ADGRL3: variants seen among roughly 807,000 people sequenced by gnomAD.
ADGRL3 encodes the protein calcium-independent alpha-latrotoxin receptor 3.
Under a neutral mutation model 153.5 loss-of-function variants are expected in ADGRL3, and 62 were observed. The ratio of observed to expected loss-of-function variants is 0.40; its 90% CI spans 0.33 to 0.50. The LOEUF is 0.50. ADGRL3 is among the 20% of genes least tolerant of loss of function. The pLI, the probability that ADGRL3 is intolerant of heterozygous loss-of-function variation, is 0.47. For synonymous variants in ADGRL3, 710 were observed against 672.5 expected (o/e 1.06, Z -0.86); for missense variants, 1,641 against 1,859.4 (o/e 0.88, Z 2.16).
chr4:61,468,901 G>T (rs980271853), intron 2 of ADGRL3, among the ~76,000 whole-genome samples: 1 of 152,030 alleles, frequency 6.6e-6, no homozygotes, highest in East Asian at 1.9e-4. Context: ...GAAAATGAAA[G>T]ATAAAATTAA....
chr4:61,892,182 C>CTTT (rs5858738), intron 9 of ADGRL3, among the ~76,000 whole-genome samples: 2,079 of 143,676 alleles, frequency 0.014, 21 homozygotes, highest in Non-Finnish European at 0.021. Context: ...TTTCTGTTTC[C>CTTT]TTTTTTTTTT....
chr4:61,822,562 A>G (rs1377253134), intron 9 of ADGRL3, among the ~76,000 whole-genome samples: 1 of 152,246 alleles, frequency 6.6e-6, no homozygotes, highest in Non-Finnish European at 1.5e-5. Context: ...ATTGTCAGGA[A>G]TAAGTATGAG....
intron 12 of ADGRL3, among the ~76,000 whole-genome samples, chr4:61,911,849 AT>A (rs2098723419): frequency 2.0e-5 from 3 of 152,046 alleles, no homozygotes; most frequent in African/African-American, 7.2e-5. Context: ...AAAAAAAAAA[AT>A]TGGAAAGAAG....
chr4:61,353,604 T>TTC (rs1300557484), intron 1 of ADGRL3, among the ~76,000 whole-genome samples: 1 of 146,882 alleles, frequency 6.8e-6, no homozygotes, highest in East Asian at 2.1e-4. Context: ...CTTTCAATTT[T>TTC]TTTTTTTTTT....
At chr4:61,272,120 A>T (rs2093217808) in intron 1 of ADGRL3, among the ~76,000 whole-genome samples, 1 of 145,580 alleles carries the variant, frequency 6.9e-6, no homozygotes, top group Non-Finnish European at 1.5e-5. Context: ...GATTTCTCTA[A>T]GTTGTAGTTT....
At chr4:61,746,822 T>C (rs986272615) in intron 8 of ADGRL3, among the ~76,000 whole-genome samples, 1 of 151,684 alleles carries the variant, frequency 6.6e-6, no homozygotes, top group African/African-American at 2.4e-5. Flanking sequence ...GCAAACACAT[T>C]CAAAAGCTAG....
intron 23 of ADGRL3, among the ~76,000 whole-genome samples, chr4:62,032,512 T>C (rs1722662986): frequency 6.6e-6 from 1 of 151,540 alleles, no homozygotes; most frequent in Non-Finnish European, 1.5e-5. Context: ...CTCAGTTTAC[T>C]CATGTGTGAC....
intron 1 of ADGRL3, among the ~76,000 whole-genome samples, chr4:61,294,122 G>C (rs775277741): frequency 5.3e-5 from 8 of 152,096 alleles, no homozygotes; most frequent in Non-Finnish European, 7.4e-5. Flanking sequence ...TTTTGATCTT[G>C]TTCTGAGCTA....
chr4:61,847,212 A>T (rs907446911), intron 9 of ADGRL3, among the ~76,000 whole-genome samples: 2 of 151,978 alleles, frequency 1.3e-5, no homozygotes, highest in Non-Finnish European at 2.9e-5. Flanking sequence ...TATCTTTATA[A>T]ATCATGTGGT....
chr4:61,409,256 T>TTATATATTAGACATACATAATATATATTA (rs2097050275), intron 2 of ADGRL3, among the ~76,000 whole-genome samples: 2 of 127,904 alleles, frequency 1.6e-5, no homozygotes, highest in African/African-American at 3.3e-5. Flanking sequence ...ATAATATATA[T>TTATATATTAGACATACATAATATATATTA]TATATATTAG....
chr4:61,428,911 A>G (rs973939758), intron 2 of ADGRL3, among the ~76,000 whole-genome samples: 3 of 145,272 alleles, frequency 2.1e-5, no homozygotes, highest in South Asian at 4.2e-4. Flanking sequence ...CTATCTATCT[A>G]TCTATCTATC....
intron 13 of ADGRL3, among the ~76,000 whole-genome samples, chr4:61,922,687 A>G (rs1581474659): frequency 6.6e-6 from 1 of 152,190 alleles, no homozygotes; most frequent in African/African-American, 2.4e-5. Flanking sequence ...ATACTTTAAG[A>G]AAAGCGTAGA....
Position 61,468,991 on chromosome 4 carries a change from G to A in ADGRL3, c.-173-28130G>A, listed in dbSNP as rs150502962. Among the ~76,000 whole-genome samples, 1,113 of 152,138 alleles carry A rather than the reference G, an allele frequency of 7.3e-3. 24 individuals are homozygous for A. The highest frequency in any genetic ancestry group is 7.3e-3 in the Non-Finnish European group (499 of 67,972). On this transcript the variant is annotated intron_variant, in intron 2 of 26. Coordinates refer to ENST00000683033, the MANE Select transcript of ADGRL3 (RefSeq NM_001387552.1). ...GTGTGTACCTTGAGCCGGACTCAGA[G>A]CTCTAGACTGTACGCTCTACTTGTC...
chr4:61,204,789 C>T (rs1021169628), intron 1 of ADGRL3, among the ~76,000 whole-genome samples: 7 of 152,136 alleles, frequency 4.6e-5, no homozygotes, highest in South Asian at 2.1e-4. Context: ...CAGGCATCCC[C>T]GGCCTGAAGA....
intron 1 of ADGRL3, among the ~76,000 whole-genome samples, chr4:61,330,782 T>C (rs921799800): frequency 6.6e-6 from 1 of 152,100 alleles, no homozygotes; most frequent in African/African-American, 2.4e-5. Context: ...TTTATTCCCT[T>C]ATTTGTCCCC....
chr4:61,525,665 T>G (rs1215400629), intron 4 of ADGRL3, among the ~76,000 whole-genome samples: 2 of 151,924 alleles, frequency 1.3e-5, no homozygotes, highest in Admixed American at 6.6e-5. Context: ...GAGATAGCAA[T>G]GGGGATGGAA....
At position 61,502,710 on chromosome 4, in the gene ADGRL3, A is replaced by G. The variant is rs1426130980; in HGVS notation, c.55+5362A>G. Among the ~76,000 whole-genome samples, 4 of 152,294 alleles carry G rather than the reference A, an allele frequency of 2.6e-5. No homozygotes were observed. In the East Asian group the frequency reaches 7.7e-4, roughly 29 times the overall value. ...AAAATACTAATGTCAATGATTTAAG[A>G]TAATAGTCATATATTTTGTAACTTC... On this transcript the variant is annotated intron_variant, in intron 3 of 26. Transcript: ENST00000683033.
intron 2 of ADGRL3, among the ~76,000 whole-genome samples, chr4:61,495,215 C>T (rs1280291761): frequency 6.6e-6 from 1 of 151,986 alleles, no homozygotes; most frequent in Non-Finnish European, 1.5e-5. Flanking sequence ...AACTACCATG[C>T]CGTAAATAAC....
chr4:61,226,154 A>G (rs2149098869), intron 1 of ADGRL3, among the ~76,000 whole-genome samples: 1 of 152,286 alleles, frequency 6.6e-6, no homozygotes, highest in South Asian at 2.1e-4. Context: ...AAATATTAAC[A>G]TAAACATTAA....
Sources: allele counts gnomAD v4.1 joint callset (sites outside exome capture counted in the v4.1 genomes callset), GRCh38; gene constraint gnomAD v4.1.1; transcripts MANE v1.5; gene names NCBI Gene and HGNC (gene_info 2026-07-23, HGNC 2026-07-21).